The following STAG1 variants were observed in gnomAD, a reference collection of about 807,000 sequenced individuals.
The protein encoded by STAG1 is STAG1 cohesin complex component, also known as cohesin subunit SA-1.
STAG1 carries 26 observed loss-of-function variants against 170.9 expected under a neutral mutation model. That is an observed-to-expected ratio of 0.15 (90% CI 0.11 to 0.21). The LOEUF (loss-of-function observed/expected upper bound fraction) is 0.21, where lower values mean the gene tolerates loss of function less well. Among genes scored for constraint, STAG1 ranks in the 10% least tolerant of loss-of-function variants. The pLI is 1.00. For missense variants in STAG1, 964 were observed against 1,509.5 expected (o/e 0.64, Z 5.99); for synonymous variants, 514 against 497.7 (o/e 1.03, Z -0.44).
chr3:136,357,789 G>C lies in STAG1; in HGVS notation c.2996C>G (p.Pro999Arg). 1.2e-6 allele frequency: 2 copies of C among 1,605,918 alleles called. No individual in the cohort carries two copies. Among genetic ancestry groups the C allele is most frequent in the East Asian group, 2.2e-5 (1 of 44,596 alleles). Residue 999 changes from proline to arginine, a missense_variant, in exon 28 of 34, where the codon CCT (proline) becomes CGT (arginine). Pro to Arg is a moderately radical substitution (Grantham distance 103, BLOSUM62 -2). Coordinates refer to ENST00000383202, the MANE Select transcript of STAG1 (RefSeq NM_005862.3). ...QNQKGQEYPPPNLAFLEVLSE... is the reference protein window; with the variant it reads ...QNQKGQEYPPRNLAFLEVLSE... ...TAGTACTTCAAGAAAAGCCAGATTAGGAGGTGGATACTCTTGTCCTTTCTG... is the reference window on the plus strand; with the variant it reads ...TAGTACTTCAAGAAAAGCCAGATTACGAGGTGGATACTCTTGTCCTTTCTG...
At chr3:136,464,713 T>A (rs1391371177) in intron 13 of STAG1, among the ~76,000 whole-genome samples, 168 bp downstream of exon 13, 1 of 152,222 alleles carries the variant, frequency 6.6e-6, no homozygotes, top group East Asian at 1.9e-4. Context: ...TCCTCAAGGC[T>A]GTGATTCACC....
At chr3:136,601,201 T>A (rs899615102) in intron 4 of STAG1, among the ~76,000 whole-genome samples, 1 of 151,962 alleles carries the variant, frequency 6.6e-6, no homozygotes, top group Admixed American at 6.6e-5. Flanking sequence ...CTGGAAACAG[T>A]TCAAATAAAA....
intron 1 of STAG1, among the ~76,000 whole-genome samples, chr3:136,649,503 CAAAAAAAAA>C (rs761067087): frequency 9.9e-5 from 7 of 70,882 alleles, no homozygotes; most frequent in African/African-American, 1.8e-4. Context: ...AAAACAGAAA[CAAAAAAAAA>C]AAAAAAAAAA....
intron 1 of STAG1, among the ~76,000 whole-genome samples, chr3:136,679,589 C>T (rs113468368): frequency 0.01 from 1,539 of 152,018 alleles, 12 homozygotes; most frequent in Non-Finnish European, 0.015. Flanking sequence ...ATTAGCCGGG[C>T]GCGGTGGTGG....
At chr3:136,479,143 T>G (rs1372517281) in intron 9 of STAG1, among the ~76,000 whole-genome samples, 1 of 149,306 alleles carries the variant, frequency 6.7e-6, no homozygotes, top group Non-Finnish European at 1.5e-5. Flanking sequence ...TAGTTACATA[T>G]GTATACATGT....
intron 1 of STAG1, among the ~76,000 whole-genome samples, chr3:136,642,040 C>A (rs1381883468): frequency 1.3e-5 from 2 of 152,024 alleles, no homozygotes; most frequent in African/African-American, 4.8e-5. Flanking sequence ...ACTTTCTCCC[C>A]AAGGTTCAAA....
intron 1 of STAG1, chr3:136,736,428 A>C (rs1934337497): frequency 8.8e-7 from 1 of 1,133,326 alleles, no homozygotes; most frequent in Admixed American, 1.8e-5. Flanking sequence ...GGAGGAAAGA[A>C]TGAGTCCTTC....
Position 136,426,354 on chromosome 3 carries a change from G to C in STAG1, c.1651-3310C>G, listed in dbSNP as rs143340133. Among the ~76,000 whole-genome samples the C allele has an allele frequency of 5.3e-5, 8 of 152,356 alleles. No homozygotes were observed. The East Asian group carries it at 1.5e-3, about 29-fold the overall frequency. Reference sequence around the variant, plus strand: ...GAACCCCCAGGGGGCGGAGCCTGCAGTGAGCCGAGATCGCGCCACTGCACT... The same window carrying C: ...GAACCCCCAGGGGGCGGAGCCTGCACTGAGCCGAGATCGCGCCACTGCACT... On this transcript the variant is annotated intron_variant, in intron 16 of 33. Transcript: ENST00000383202.
intron 1 of STAG1, among the ~76,000 whole-genome samples, chr3:136,657,517 T>C (rs1186755385): frequency 6.6e-6 from 1 of 152,108 alleles, no homozygotes; most frequent in African/African-American, 2.4e-5. Context: ...TATACTCACA[T>C]GCACATAAAA....
intron 1 of STAG1, among the ~76,000 whole-genome samples, chr3:136,681,918 T>C (rs1942349309): frequency 1.3e-5 from 2 of 152,146 alleles, no homozygotes; most frequent in South Asian, 4.1e-4. Context: ...GCTAATATCA[T>C]ACTCAATGTT....
chr3:136,603,824 T>C (rs188448743), intron 4 of STAG1, among the ~76,000 whole-genome samples: 3 of 152,112 alleles, frequency 2.0e-5, no homozygotes, highest in African/African-American at 7.2e-5. Flanking sequence ...GAGGCAGAGC[T>C]TGAAGTGAGC....
intron 6 of STAG1, among the ~76,000 whole-genome samples, chr3:136,522,656 G>A (rs1295668901): frequency 1.3e-5 from 2 of 151,748 alleles, no homozygotes; most frequent in Non-Finnish European, 2.9e-5. Context: ...TGTCATGTTG[G>A]TGTGCTGCAC....
At chr3:136,718,423 T>C (rs957086536) in intron 1 of STAG1, among the ~76,000 whole-genome samples, 1 of 152,200 alleles carries the variant, frequency 6.6e-6, no homozygotes, top group Non-Finnish European at 1.5e-5. Context: ...TGTCTTTAAG[T>C]GAAATTTTCA....
chr3:136,459,437 C>T (rs572653743), intron 13 of STAG1, among the ~76,000 whole-genome samples: 87 of 152,100 alleles, frequency 5.7e-4, no homozygotes, highest in Middle Eastern at 6.8e-3. Flanking sequence ...GTGCAATTTT[C>T]AGCAATGGGA....
intron 3 of STAG1, among the ~76,000 whole-genome samples, chr3:136,619,618 G>A (rs1328288459): frequency 2.6e-5 from 4 of 151,858 alleles, no homozygotes; most frequent in Admixed American, 2.0e-4. Flanking sequence ...TTAGCCAGGT[G>A]TGGTGGCGCA....
At chr3:136,370,939 G>C (rs567851707) in intron 23 of STAG1, among the ~76,000 whole-genome samples, 62 of 152,304 alleles carry the variant, frequency 4.1e-4, no homozygotes, top group African/African-American at 1.3e-3. Context: ...TCGCCACACT[G>C]ACTTCCACAA....
chr3:136,339,821 T>A (rs1397103355), intron 32 of STAG1, among the ~76,000 whole-genome samples: 4 of 152,228 alleles, frequency 2.6e-5, no homozygotes, highest in African/African-American at 9.6e-5. Context: ...CACCTATGGT[T>A]AAGTCCATAT....
chr3:136,453,477 C>T (rs182185203), intron 13 of STAG1, among the ~76,000 whole-genome samples: 1 of 151,422 alleles, frequency 6.6e-6, no homozygotes, highest in Non-Finnish European at 1.5e-5. Context: ...TGTAGTCCCA[C>T]CTACTCGGGA....
chr3:136,446,083 G>A (rs905726287), intron 14 of STAG1, among the ~76,000 whole-genome samples: 16 of 151,990 alleles, frequency 1.1e-4, no homozygotes, highest in African/African-American at 3.9e-4. Context: ...TTCATTCAGG[G>A]TTTTATTTTC....
Sources: allele counts gnomAD v4.1 joint callset (sites outside exome capture counted in the v4.1 genomes callset), GRCh38; gene constraint gnomAD v4.1.1; transcripts MANE v1.5; gene names NCBI Gene and HGNC (gene_info 2026-07-23, HGNC 2026-07-21).